The following ELL variants were observed in gnomAD, a reference collection of about 807,000 sequenced individuals.
The protein encoded by ELL is RNA polymerase II elongation factor ELL.
ELL carries 18 observed loss-of-function variants against 64.0 expected under a neutral mutation model. The observed-to-expected ratio is 0.28, with a 90% CI of 0.19 to 0.42. The LOEUF (loss-of-function observed/expected upper bound fraction) is 0.42, where lower values mean the gene tolerates loss of function less well. Among genes scored for constraint, ELL ranks in the 10% least tolerant of loss-of-function variants. The pLI is 1.00. For synonymous variants in ELL, 399 were observed against 376.2 expected, an observed-to-expected ratio of 1.06 and a Z score of -0.70; for missense variants, 797 against 870.4, an observed-to-expected ratio of 0.92 and a Z score of 1.06.
chr19:18,512,150 G>A (rs574887609), intron 1 of ELL, among the ~76,000 whole-genome samples: 9 of 136,896 alleles, frequency 6.6e-5, no homozygotes, highest in African/African-American at 2.5e-4. Context: ...GTAAGACTCC[G>A]TCTCAAAAAA....
intron 1 of ELL, 197 bp from the exon 2 acceptor site, chr19:18,473,079 T>G (rs1042869415): frequency 2.2e-5 from 15 of 682,282 alleles, no homozygotes; most frequent in African/African-American, 2.2e-4. Context: ...CAGTAGGAGT[T>G]CCTCAGATGG....
intron 1 of ELL, among the ~76,000 whole-genome samples, chr19:18,514,513 CAA>C (rs557236460): frequency 4.0e-3 from 156 of 39,306 alleles, no homozygotes; most frequent in African/African-American, 0.013. Context: ...GACTCCATCT[CAA>C]AAAAAAAAAA....
At chr19:18,448,325 AAC>A (rs1433396028) in intron 8 of ELL, 1 of 152,148 alleles carries the variant, frequency 6.6e-6, no homozygotes, top group Non-Finnish European at 1.5e-5. Context: ...CTCTCAGTGT[AAC>A]ACACCTGGGC....
intron 1 of ELL, among the ~76,000 whole-genome samples, chr19:18,495,092 C>T (rs1036604678): frequency 6.6e-6 from 1 of 152,206 alleles, no homozygotes; most frequent in African/African-American, 2.4e-5. Context: ...ATTCAGAGCC[C>T]CTGGGCACAA....
intron 5 of ELL, among the ~76,000 whole-genome samples, chr19:18,460,476 T>C (rs1168556835): frequency 6.6e-6 from 1 of 152,178 alleles, no homozygotes; most frequent in Non-Finnish European, 1.5e-5. Flanking sequence ...GCCAGGCCAA[T>C]GCAGGTCCCA....
chr19:18,462,485 G>A (rs1270930833), intron 4 of ELL, among the ~76,000 whole-genome samples: 1 of 151,602 alleles, frequency 6.6e-6, no homozygotes, highest in Admixed American at 6.6e-5. Flanking sequence ...CTGGGCTCAA[G>A]CGATCCTCCC....
At position 18,461,634 on chromosome 19, in the gene ELL, G is replaced by C; in HGVS notation, c.688C>G (p.Gln230Glu). 6.2e-7 allele frequency: 1 copy of C among 1,611,138 alleles called. No homozygotes were observed. Among genetic ancestry groups the C allele is most frequent in the Non-Finnish European group, 8.5e-7 (1 of 1,179,936 alleles). Reference sequence around the variant, plus strand: ...TCCGCCTGCGTCAGGCCGTCCTTCTGCAGTCGCAGCAGCAGCTCAGCCTTG... The same window carrying C: ...TCCGCCTGCGTCAGGCCGTCCTTCTCCAGTCGCAGCAGCAGCTCAGCCTTG... ...YRKAELLLRLQKDGLTQADKD... is the reference protein window; with the variant it reads ...YRKAELLLRLEKDGLTQADKD... The change falls in exon 5 of 12, where the codon CAG (glutamine) becomes GAG (glutamate). Residue 230 changes from glutamine (Q) to glutamate (E), a missense_variant. Coordinates refer to ENST00000262809, the MANE Select transcript of ELL (RefSeq NM_006532.4).
In ELL at chr19:18,501,435, C is replaced by A. The variant is rs1449088821; in HGVS notation, c.135+20486G>T. 6.6e-6 allele frequency among the ~76,000 whole-genome samples: 1 copy of A among 152,224 alleles called. No homozygotes were observed. Among genetic ancestry groups the A allele is most frequent in the Non-Finnish European group, 1.5e-5 (1 of 68,042 alleles). ...TGTTGGCGAGGAGGGGCCCACGCCT[C>A]AACAATGAGGCGGACCCTCCAACGT... On this transcript the variant is annotated intron_variant, in intron 1 of 11. Coordinates refer to ENST00000262809, the MANE Select transcript of ELL (RefSeq NM_006532.4). This position sits in a 1 kb window ranked among gnomAD's most constrained non-coding sequence, Gnocchi z 4.5.
At chr19:18,491,096 CCTTT>C (rs1018106423) in intron 1 of ELL, among the ~76,000 whole-genome samples, 8 of 151,818 alleles carry the variant, frequency 5.3e-5, no homozygotes, top group African/African-American at 1.9e-4. Flanking sequence ...TTTGTTTTTT[CCTTT>C]GAGACAGGGT....
intron 1 of ELL, among the ~76,000 whole-genome samples, chr19:18,473,493 G>A (rs574595132): frequency 6.6e-6 from 1 of 152,322 alleles, no homozygotes; most frequent in East Asian, 1.9e-4. Flanking sequence ...GGAGCCTGAG[G>A]CCTGCACAGC....
intron 1 of ELL, among the ~76,000 whole-genome samples, chr19:18,486,819 C>A (rs1198649687): frequency 6.6e-6 from 1 of 152,228 alleles, no homozygotes; most frequent in Non-Finnish European, 1.5e-5. Context: ...CCAGTACTCA[C>A]TGCAAGGGTG....
intron 1 of ELL, among the ~76,000 whole-genome samples, chr19:18,506,934 C>T (rs1975895367): frequency 6.6e-6 from 1 of 152,162 alleles, no homozygotes; most frequent in Admixed American, 6.5e-5. Context: ...TTCCTATCTA[C>T]AAGGAGCTGG....
chr19:18,518,091 A>G (rs902876485), intron 1 of ELL, among the ~76,000 whole-genome samples: 10 of 152,072 alleles, frequency 6.6e-5, no homozygotes, highest in Admixed American at 1.3e-4. Context: ...ATGGTGGTGC[A>G]TGCCTGTAAT....
At chr19:18,480,797 C>CT (rs1975283746) in intron 1 of ELL, among the ~76,000 whole-genome samples, 1 of 152,034 alleles carries the variant, frequency 6.6e-6, no homozygotes, top group African/African-American at 2.4e-5. Context: ...ACACACCTGG[C>CT]TAATTTTTCT....
intron 1 of ELL, among the ~76,000 whole-genome samples, chr19:18,487,571 C>A (rs1047170845): frequency 6.6e-6 from 1 of 152,256 alleles, no homozygotes; most frequent in Non-Finnish European, 1.5e-5. Context: ...CACGGCCAGG[C>A]TGCACTAGCC....
intron 1 of ELL, among the ~76,000 whole-genome samples, chr19:18,483,187 C>T (rs1975341349): frequency 6.6e-6 from 1 of 152,190 alleles, no homozygotes; most frequent in African/African-American, 2.4e-5. Flanking sequence ...CCTGCCTACA[C>T]CCGTGGCTGC....
In ELL at chr19:18,461,595, C is replaced by T. The variant is rs139501652; in HGVS notation, c.727G>A (p.Asp243Asn). Residue 243 changes from aspartate to asparagine, a missense_variant, in exon 5 of 12, where the codon GAT (aspartate) becomes AAT (asparagine). Transcript: ENST00000262809. The stretch of plus-strand genomic sequence containing the variant: ...GCACCCACCTGCTGGAGGAGGCCAT[C>T]CAGCGCGTCCTTGTCCGCCTGCGTC... ...GLTQADKDAL[D>N]GLLQQVANMS... 2,114 of 1,602,140 alleles carry T rather than the reference C, an allele frequency of 1.3e-3. 15 individuals carry two copies. Among genetic ancestry groups the T allele is most frequent in the Admixed American group, 9.1e-3 (543 of 59,958 alleles).
At position 18,449,591 on chromosome 19, in the gene ELL, C is replaced by T. The variant is rs1005262473; in HGVS notation, c.1465+886G>A. ...CTATAATGAAAGAAGGGCTCCCACC[C>T]TCATCCCAGGAATCCCCTGACTCAG... On this transcript the variant is annotated intron_variant, in intron 8 of 11. Transcript: ENST00000262809. This position sits in a 1 kb window ranked among gnomAD's most constrained non-coding sequence, Gnocchi z 4.4. Among the ~76,000 whole-genome samples the T allele has an allele frequency of 2.0e-5, 3 of 152,204 alleles. No individual in the cohort carries two copies. The highest frequency in any genetic ancestry group is 4.8e-5 in the African/African-American group (2 of 41,452).
At chr19:18,490,867 C>T (rs1195345600) in intron 1 of ELL, among the ~76,000 whole-genome samples, 2 of 152,222 alleles carry the variant, frequency 1.3e-5, no homozygotes, top group Non-Finnish European at 2.9e-5. Context: ...TCTATCTCCA[C>T]TGGCCTGGGG....
Sources: allele counts gnomAD v4.1 joint callset (sites outside exome capture counted in the v4.1 genomes callset), GRCh38; gene constraint gnomAD v4.1.1; non-coding constraint Gnocchi (gnomAD v3.1); transcripts MANE v1.5; gene names NCBI Gene and HGNC (gene_info 2026-07-23, HGNC 2026-07-21).